The following LGR6 variants were observed in gnomAD, a reference collection of about 807,000 sequenced individuals.
The protein encoded by LGR6 is leucine-rich repeat-containing G protein-coupled receptor 6.
LGR6 carries 45 observed loss-of-function variants against 69.4 expected under a neutral mutation model. The ratio of observed to expected loss-of-function variants is 0.65; its 90% CI spans 0.51 to 0.83. The LOEUF (loss-of-function observed/expected upper bound fraction) is 0.83, where lower values mean the gene tolerates loss of function less well. Ranked by LOEUF, LGR6 falls within the 40% of genes least tolerant of loss-of-function variation. The pLI, the probability that LGR6 is intolerant of heterozygous loss-of-function variation, is 0.00. For synonymous variants in LGR6, 538 were observed against 555.0 expected (o/e 0.97, Z 0.43); for missense variants, 1,108 against 1,246.7 (o/e 0.89, Z 1.68).
At chr1:202,298,104 C>G (rs1404246783) in intron 7 of LGR6, among the ~76,000 whole-genome samples, 1 of 152,190 alleles carries the variant, frequency 6.6e-6, no homozygotes, top group African/African-American at 2.4e-5. Context: ...TGACATGGCC[C>G]TCCCCAAGCA....
chr1:202,204,513 A>ACG (rs1189898701), intron 1 of LGR6, among the ~76,000 whole-genome samples: 5 of 61,284 alleles, frequency 8.2e-5, no homozygotes, highest in Admixed American at 5.0e-4. Context: ...CCAAACACAC[A>ACG]CACACCTCCA....
At chr1:202,223,467 G>A (rs747227024) in intron 1 of LGR6, among the ~76,000 whole-genome samples, 1 of 152,064 alleles carries the variant, frequency 6.6e-6, no homozygotes, top group Non-Finnish European at 1.5e-5. Flanking sequence ...GAAAGCACAC[G>A]CATTTCTTGG....
rs1665081581 is a variant in LGR6 at position 202,271,366 on chromosome 1, GT to G, written c.429-4939del. Among the ~76,000 whole-genome samples, 4 of 152,268 alleles carry G rather than the reference GT, an allele frequency of 2.6e-5. No homozygotes were observed. The South Asian group carries it at 8.3e-4, about 31-fold the overall frequency. ...GGAGCCTGAACCCTGACTTGAAAGG[GT>G]GGGGGAATTCTCCAGAGAGCACCTT... On this transcript the variant is annotated intron_variant, in intron 4 of 17. Transcript: ENST00000367278.
chr1:202,255,202 A>T (rs1663662963), intron 4 of LGR6, among the ~76,000 whole-genome samples: 1 of 152,188 alleles, frequency 6.6e-6, no homozygotes, highest in South Asian at 2.1e-4. Context: ...GTTTTCGTGG[A>T]GACAGATGTG....
chr1:202,258,359 G>A lies in LGR6; in HGVS notation c.429-17947G>A, dbSNP rs538217192. Among the ~76,000 whole-genome samples the A allele has an allele frequency of 9.2e-5, 14 of 151,988 alleles. No homozygotes were observed. The South Asian group carries it at 2.5e-3, about 27-fold the overall frequency. ...CTTCCTGCCAAAAATGTCCCACTGG[G>A]ATCTTAATTGGAATTACATTGTCTA... is the stretch of plus-strand genomic sequence containing the variant. On this transcript the variant is annotated intron_variant, in intron 4 of 17. Transcript: ENST00000367278.
At position 202,318,904 on chromosome 1, in the gene LGR6, C is replaced by T. The variant is rs1395959747; in HGVS notation, c.2601C>T (p.Thr867=). 2 of 1,614,104 alleles carry T rather than the reference C, an allele frequency of 1.2e-6. No individual in the cohort carries two copies. Among genetic ancestry groups the T allele is most frequent in the East Asian group, 2.2e-5 (1 of 44,882 alleles). Residue 867 remains threonine (T), a synonymous_variant, in exon 18 of 18, where the codon ACC becomes ACT. Transcript: ENST00000367278. ...TGGAGAAGAGCTCCTGTGATTCTACCCAGGCCCTGGTAGCCTTCTCTGATG... is the reference window on the plus strand; with the variant it reads ...TGGAGAAGAGCTCCTGTGATTCTACTCAGGCCCTGGTAGCCTTCTCTGATG... The part of the protein sequence containing the change: ...GELEKSSCDS[T]QALVAFSDVD...
chr1:202,254,027 G>T (rs543164668), intron 4 of LGR6, among the ~76,000 whole-genome samples: 3 of 150,870 alleles, frequency 2.0e-5, no homozygotes, highest in African/African-American at 7.3e-5. Context: ...GGATGGTCTC[G>T]ATCTCCTGAC....
intron 4 of LGR6, among the ~76,000 whole-genome samples, chr1:202,259,376 A>T (rs181644453): frequency 1.1e-3 from 167 of 152,234 alleles, no homozygotes; most frequent in Non-Finnish European, 2.2e-3. Flanking sequence ...TTTACTGACA[A>T]ATTTCCTGGC....
chr1:202,248,933 C>T (rs1662988704), intron 4 of LGR6, among the ~76,000 whole-genome samples: 1 of 152,144 alleles, frequency 6.6e-6, no homozygotes, highest in African/African-American at 2.4e-5. Context: ...ATCCTGGGAG[C>T]CGAGGCACCA....
At chr1:202,299,853 G>A (rs1425098986) in intron 7 of LGR6, among the ~76,000 whole-genome samples, 3 of 152,136 alleles carry the variant, frequency 2.0e-5, no homozygotes, top group Non-Finnish European at 4.4e-5. Flanking sequence ...AGCCTGCTCC[G>A]CACAGGTTAT....
chr1:202,311,379 G>A (rs954127427), intron 16 of LGR6, among the ~76,000 whole-genome samples: 2 of 152,188 alleles, frequency 1.3e-5, no homozygotes, highest in African/African-American at 4.8e-5. Flanking sequence ...AAGATAATTG[G>A]CTGGGCGCGG....
At chr1:202,307,171 G>A (rs1007654219) in intron 13 of LGR6, among the ~76,000 whole-genome samples, 159 bp from the exon 14 acceptor site, 1 of 152,194 alleles carries the variant, frequency 6.6e-6, no homozygotes, top group Non-Finnish European at 1.5e-5. Flanking sequence ...GCCACAGCCA[G>A]CTCAGGAGCT....
intron 1 of LGR6, among the ~76,000 whole-genome samples, chr1:202,195,779 G>T (rs1417541182): frequency 6.6e-6 from 1 of 152,200 alleles, no homozygotes; most frequent in Non-Finnish European, 1.5e-5. Flanking sequence ...AAGGTCCCTT[G>T]CCTGGGTTGA....
chr1:202,195,216 C>T (rs998991041), intron 1 of LGR6, among the ~76,000 whole-genome samples: 3 of 152,228 alleles, frequency 2.0e-5, no homozygotes, highest in Non-Finnish European at 4.4e-5. Context: ...CCCAGAGTTC[C>T]TTCTGGCCTG....
rs1202642806 is a variant in LGR6 at position 202,306,854 on chromosome 1, T to C, written c.1137-14T>C. ...TGAGCCTGCCGGCTCATCCAGCCTC[T>C]CTTGCTGCCCTAGCGGCCTCCAACA... On this transcript the variant is annotated splice_polypyrimidine_tract_variant and intron_variant, in intron 12 of 17. Coordinates refer to ENST00000367278, the MANE Select transcript of LGR6 (RefSeq NM_001017403.2). 1.2e-6 allele frequency: 2 copies of C among 1,613,734 alleles called. No homozygotes were observed. The highest frequency in any genetic ancestry group is 3.3e-5 in the Admixed American group (2 of 59,998).
intron 4 of LGR6, among the ~76,000 whole-genome samples, chr1:202,248,077 G>A (rs1662891673): frequency 1.3e-5 from 2 of 152,220 alleles, no homozygotes; most frequent in South Asian, 4.1e-4. Flanking sequence ...ACTCGCTGGA[G>A]GGTGAAAATC....
chr1:202,256,764 CTA>C (rs1482224741), intron 4 of LGR6, among the ~76,000 whole-genome samples: 1 of 152,200 alleles, frequency 6.6e-6, no homozygotes, highest in Non-Finnish European at 1.5e-5. Context: ...TATAGAAACT[CTA>C]TGTAAAACTT....
chr1:202,248,935 G>A (rs758988657), intron 4 of LGR6, among the ~76,000 whole-genome samples: 1 of 152,144 alleles, frequency 6.6e-6, no homozygotes, highest in African/African-American at 2.4e-5. Context: ...CCTGGGAGCC[G>A]AGGCACCACA....
At chr1:202,232,125 G>A (rs930355020) in intron 3 of LGR6, among the ~76,000 whole-genome samples, 6 of 150,782 alleles carry the variant, frequency 4.0e-5, no homozygotes, top group African/African-American at 1.5e-4. Context: ...AGCATTTTGT[G>A]CAGACCTCCC....
Sources: allele counts gnomAD v4.1 joint callset (sites outside exome capture counted in the v4.1 genomes callset), GRCh38; gene constraint gnomAD v4.1.1; transcripts MANE v1.5; gene names NCBI Gene and HGNC (gene_info 2026-07-23, HGNC 2026-07-21).